STXBP3: variants seen among roughly 807,000 people sequenced by gnomAD.
STXBP3 encodes the protein syntaxin-binding protein 3.
Under a neutral mutation model 85.7 loss-of-function variants are expected in STXBP3, and 41 were observed. The ratio of observed to expected loss-of-function variants is 0.48; its 90% CI spans 0.37 to 0.62. The LOEUF (loss-of-function observed/expected upper bound fraction) is 0.62, where lower values mean the gene tolerates loss of function less well. Ranked by LOEUF, STXBP3 falls within the 20% of genes least tolerant of loss-of-function variation. The pLI, the probability that STXBP3 is intolerant of heterozygous loss-of-function variation, is 0.00. For synonymous variants in STXBP3, 229 were observed against 231.7 expected, an observed-to-expected ratio of 0.99 and a Z score of 0.10; for missense variants, 563 against 703.1, an observed-to-expected ratio of 0.80 and a Z score of 2.25.
chr1:108,766,667 T>C (rs542077094), intron 6 of STXBP3, among the ~76,000 whole-genome samples: 1 of 152,308 alleles, frequency 6.6e-6, no homozygotes, highest in African/African-American at 2.4e-5. Context: ...GAGAGGTTGG[T>C]TGTCAAAACT....
intron 6 of STXBP3, among the ~76,000 whole-genome samples, chr1:108,771,529 ATC>A (rs1161722540): frequency 7.0e-4 from 49 of 69,564 alleles, no homozygotes; most frequent in East Asian, 1.9e-3. Context: ...TATGATATAT[ATC>A]TATATATATC....
chr1:108,754,490 T>C (rs1165307403), intron 3 of STXBP3, among the ~76,000 whole-genome samples: 1 of 152,238 alleles, frequency 6.6e-6, no homozygotes, highest in Non-Finnish European at 1.5e-5. Flanking sequence ...TTTTTTAAGT[T>C]CTGAAAGGTC....
rs140739935 is a variant in STXBP3, at chr1:108,796,640, G to A, written c.1270G>A (p.Asp424Asn). 124 of 1,612,852 alleles carry A rather than the reference G, an allele frequency of 7.7e-5. No individual in the cohort carries two copies. The African/African-American group carries it at 1.5e-3, about 20-fold the overall frequency. Residue 424 changes from aspartate (D) to asparagine (N), a missense_variant, in exon 15 of 19, where the codon GAC (aspartate) becomes AAC (asparagine). Asp to Asn is a conservative substitution (Grantham distance 23, BLOSUM62 1). Coordinates refer to ENST00000370008, the MANE Select transcript of STXBP3 (RefSeq NM_007269.4). ...TTAAGGAACTACGGAAGAAAATTTG[G>A]ACAGGTTGATCCAGAATGTAAAGAT... ...SINGTTEENL[D>N]RLIQNVKIEN...
At chr1:108,789,752 T>G (rs1355033109) in intron 11 of STXBP3, among the ~76,000 whole-genome samples, 1 of 152,146 alleles carries the variant, frequency 6.6e-6, no homozygotes, top group Admixed American at 6.6e-5. Flanking sequence ...ATGACATCAG[T>G]CTTTTAAAAT....
At chr1:108,786,203 T>G (rs147113332) in intron 11 of STXBP3, among the ~76,000 whole-genome samples, 1 of 152,142 alleles carries the variant, frequency 6.6e-6, no homozygotes, top group African/African-American at 2.4e-5. Flanking sequence ...AGGAAACTTA[T>G]AGTCATGGTG....
chr1:108,746,724 G>C lies in STXBP3; in HGVS notation c.-14G>C, dbSNP rs1367694421. 1.3e-6 allele frequency: 2 copies of C among 1,548,870 alleles called. No individual in the cohort carries two copies. Among genetic ancestry groups the C allele is most frequent in the East Asian group, 2.5e-5 (1 of 40,598 alleles). On this transcript the variant is annotated 5_prime_UTR_variant, in exon 1 of 19. Coordinates refer to ENST00000370008, the MANE Select transcript of STXBP3 (RefSeq NM_007269.4). ...AGTGGAAGGTGGTGGCTGCTGCTCC[G>C]CAGTGTCGGGAAGATGGCGCCGCCG... is the stretch of plus-strand genomic sequence containing the variant.
chr1:108,785,856 A>C (rs1346544642), intron 11 of STXBP3, among the ~76,000 whole-genome samples: 1 of 152,174 alleles, frequency 6.6e-6, no homozygotes, highest in African/African-American at 2.4e-5. Context: ...TCTAGTTCCC[A>C]AGAAGTTTAT....
Position 108,807,141 on chromosome 1 carries a change from A to G in STXBP3, c.1536-260A>G, listed in dbSNP as rs142523712. 4.3e-3 allele frequency among the ~76,000 whole-genome samples: 647 copies of G among 151,860 alleles called. 20 individuals carry two copies. In the East Asian group the frequency reaches 0.084, roughly 20 times the overall value. Reference sequence around the variant, plus strand: ...GTGGCACATGCCTGTAATCCTAGCTACTCGGGAGGCTGAAACAGGAGAATT... The same window carrying G: ...GTGGCACATGCCTGTAATCCTAGCTGCTCGGGAGGCTGAAACAGGAGAATT... On this transcript the variant is annotated intron_variant, in intron 17 of 18. Coordinates refer to ENST00000370008, the MANE Select transcript of STXBP3 (RefSeq NM_007269.4).
At position 108,782,492 on chromosome 1, in the gene STXBP3, C is replaced by T; in HGVS notation, c.880C>T (p.His294Tyr). The change falls in exon 10 of 19, where the codon CAT becomes TAT. Residue 294 changes from histidine to tyrosine, a missense_variant. His to Tyr is a moderately conservative substitution (Grantham distance 83). This residue lies in a region of STXBP3 where 494 missense variants were observed against 592.8 expected (regional missense o/e 0.83). Coordinates refer to ENST00000370008, the MANE Select transcript of STXBP3 (RefSeq NM_007269.4). The part of the protein sequence containing the change: ...EEDDLWVRIR[H>Y]RHIAVVLEEI... The stretch of plus-strand genomic sequence containing the variant: ...AGATGACCTCTGGGTTAGAATTCGA[C>T]ATCGACATATTGCGGTTGTGTTAGA... The T allele has an allele frequency of 1.2e-6, 2 of 1,613,564 alleles. No individual in the cohort carries two copies. The highest frequency in any genetic ancestry group is 2.2e-5 in the South Asian group (2 of 90,894).
chr1:108,806,119 T>G (rs1221479838), intron 17 of STXBP3, among the ~76,000 whole-genome samples: 1 of 151,252 alleles, frequency 6.6e-6, no homozygotes, highest in Non-Finnish European at 1.5e-5. Context: ...TTTGAAATAT[T>G]TACTTTTCAA....
intron 6 of STXBP3, among the ~76,000 whole-genome samples, chr1:108,761,711 C>T (rs528473930): frequency 3.6e-4 from 55 of 151,974 alleles, no homozygotes; most frequent in Non-Finnish European, 6.2e-4. Context: ...AGTGGCTTAC[C>T]CCTGTAATCC....
intron 1 of STXBP3, among the ~76,000 whole-genome samples, chr1:108,750,494 T>C (rs1661877280): frequency 6.6e-6 from 1 of 152,144 alleles, no homozygotes; most frequent in African/African-American, 2.4e-5. Flanking sequence ...CAGATCACAA[T>C]TCTAAAAATG....
At chr1:108,754,745 T>C (rs1661982699) in intron 3 of STXBP3, among the ~76,000 whole-genome samples, 1 of 152,166 alleles carries the variant, frequency 6.6e-6, no homozygotes, top group Non-Finnish European at 1.5e-5. Flanking sequence ...TGCCAAGGTA[T>C]AAGTGGATCC....
intron 7 of STXBP3, among the ~76,000 whole-genome samples, chr1:108,774,640 C>CTT (rs11290690): frequency 1.1e-5 from 1 of 92,606 alleles, no homozygotes; most frequent in African/African-American, 4.0e-5. Flanking sequence ...TCTTTCTTTC[C>CTT]TTTTTTTTTT....
chr1:108,794,808 G>T lies in STXBP3; in HGVS notation c.1030-19G>T. 3 of 1,601,588 alleles carry T rather than the reference G, an allele frequency of 1.9e-6. No individual in the cohort carries two copies. The highest frequency in any genetic ancestry group is 2.6e-6 in the Non-Finnish European group (3 of 1,172,236). ...AGTCATTAAAATCCTTTAAATGATT[G>T]ATTTCTTCTGTTTTTCAGCAAGTTG... On this transcript the variant is annotated intron_variant, in intron 12 of 18. Coordinates refer to ENST00000370008, the MANE Select transcript of STXBP3 (RefSeq NM_007269.4).
chr1:108,757,479 A>G (rs1211234681), intron 4 of STXBP3, among the ~76,000 whole-genome samples: 1 of 152,056 alleles, frequency 6.6e-6, no homozygotes, highest in Non-Finnish European at 1.5e-5. Flanking sequence ...GACATTTTAT[A>G]TCTTATCTGT....
chr1:108,796,564 G>T, intron 14 of STXBP3, 56 bp from the exon 15 acceptor site: 1 of 1,505,564 alleles, frequency 6.6e-7, no homozygotes, highest in South Asian at 1.2e-5. Context: ...CTAAAGCCTT[G>T]AAATTATTTT....
intron 6 of STXBP3, among the ~76,000 whole-genome samples, chr1:108,765,846 ATTTTTTTTTTTT>A (rs1221460441): frequency 1.4e-5 from 1 of 74,018 alleles, no homozygotes; most frequent in African/African-American, 5.9e-5. Flanking sequence ...TGCTCCCGGC[ATTTTTTTTTTTT>A]TTTTTTTTTT....
At chr1:108,752,924 A>G (rs1158883359) in intron 2 of STXBP3, 139 bp from the exon 3 acceptor site, 1 of 520,502 alleles carries the variant, frequency 1.9e-6, no homozygotes, top group Non-Finnish European at 3.3e-6. Flanking sequence ...CTCATGCAAG[A>G]TAAAAGATGA....
Sources: allele counts gnomAD v4.1 joint callset (sites outside exome capture counted in the v4.1 genomes callset), GRCh38; gene constraint gnomAD v4.1.1; regional missense constraint gnomAD v4.1.1; transcripts MANE v1.5; gene names NCBI Gene and HGNC (gene_info 2026-07-23, HGNC 2026-07-21).